Variants in ZNF37A observed in about 807,000 individuals in gnomAD.
ZNF37A encodes the protein zinc finger protein 37a (KOX 21).
A neutral mutation model predicts 12.3 loss-of-function variants in ZNF37A; 10 were observed. The observed-to-expected ratio is 0.82, with a 90% CI of 0.50 to 1.38. The LOEUF is 1.38. ZNF37A is among the 40% of genes most tolerant of loss of function. The pLI is 0.00. For synonymous variants in ZNF37A, 207 were observed against 223.0 expected, an observed-to-expected ratio of 0.93 and a Z score of 0.64; for missense variants, 580 against 651.2, an observed-to-expected ratio of 0.89 and a Z score of 1.19.
At chr10:38,133,240 T>C (rs1210517568) in intron 7 of ZNF37A, among the ~76,000 whole-genome samples, 1 of 152,226 alleles carries the variant, frequency 6.6e-6, no homozygotes, top group African/African-American at 2.4e-5. Flanking sequence ...TGTTCTTTGA[T>C]TGGAATTGTT....
intron 6 of ZNF37A, 42 bp downstream of exon 6, chr10:38,114,923 G>A (rs202054917): frequency 6.4e-7 from 1 of 1,567,758 alleles, no homozygotes; most frequent in Admixed American, 2.0e-5. Context: ...CAGAATGCAT[G>A]TCCTTTCTTA....
intron 7 of ZNF37A, among the ~76,000 whole-genome samples, chr10:38,144,838 G>A (rs967262009): frequency 7.9e-5 from 12 of 151,972 alleles, no homozygotes; most frequent in African/African-American, 2.7e-4. Context: ...ACTAAGTCTC[G>A]TATGCAGCAC....
chr10:38,130,427 G>A (rs1299473339), downstream of ZNF37A, among the ~76,000 whole-genome samples: 2 of 152,016 alleles, frequency 1.3e-5, no homozygotes, highest in Non-Finnish European at 2.9e-5. Context: ...GCACTTTTAT[G>A]TTTAAACTTC....
intron 7 of ZNF37A, chr10:38,143,551 T>G (rs2070214331): frequency 6.6e-6 from 1 of 152,158 alleles, no homozygotes; most frequent in Non-Finnish European, 1.5e-5. Flanking sequence ...GATTGTGAAG[T>G]CTATGAAAAG....
At chr10:38,130,038 T>C (rs966255903), downstream of ZNF37A, among the ~76,000 whole-genome samples, 7 of 152,184 alleles carry the variant, frequency 4.6e-5, no homozygotes, top group Non-Finnish European at 7.3e-5. Flanking sequence ...AATCTTTCCT[T>C]CTCTCCTCCC....
intron 7 of ZNF37A, chr10:38,144,123 T>C (rs1029604077): frequency 1.3e-5 from 2 of 152,376 alleles, no homozygotes; most frequent in South Asian, 4.1e-4. Flanking sequence ...CTTCGAGGTA[T>C]AGAATCAGCT....
chr10:38,096,166 A>G (rs1259112482), intron 4 of ZNF37A, among the ~76,000 whole-genome samples: 1 of 152,192 alleles, frequency 6.6e-6, no homozygotes. Flanking sequence ...CTCTGTCTCA[A>G]AAAAGCAAAC....
chr10:38,114,393 C>G (rs1008031984), intron 5 of ZNF37A, among the ~76,000 whole-genome samples: 1 of 152,150 alleles, frequency 6.6e-6, no homozygotes, highest in Non-Finnish European at 1.5e-5. Context: ...GGTGTGAGTC[C>G]TTTAAGTCCT....
intron 5 of ZNF37A, among the ~76,000 whole-genome samples, chr10:38,106,640 C>T (rs1430024358): frequency 2.0e-5 from 3 of 152,006 alleles, no homozygotes; most frequent in African/African-American, 4.8e-5. Context: ...ACTAGAATAA[C>T]CAGGTTAGAG....
intron 7 of ZNF37A, chr10:38,138,679 C>G (rs1184045077): frequency 2.0e-5 from 3 of 152,084 alleles, no homozygotes; most frequent in Non-Finnish European, 4.4e-5. Context: ...ACATGCTCAC[C>G]AGGAACCCGT....
chr10:38,096,653 C>T, intron 5 of ZNF37A, 21 bp downstream of exon 5: 1 of 1,611,280 alleles, frequency 6.2e-7, no homozygotes, highest in South Asian at 1.1e-5. Context: ...TATTTTTTCA[C>T]CGTTTTGCTT....
intron 4 of ZNF37A, among the ~76,000 whole-genome samples, chr10:38,096,264 A>G (rs2067148172): frequency 6.6e-6 from 1 of 152,158 alleles, no homozygotes. Context: ...TAAAGATTAA[A>G]ACCTGAGTAT....
intron 5 of ZNF37A, among the ~76,000 whole-genome samples, chr10:38,108,965 C>T (rs1401730226): frequency 6.6e-6 from 1 of 152,138 alleles, no homozygotes; most frequent in East Asian, 1.9e-4. Context: ...AAGAGGGAAT[C>T]CTCTCTAACC....
intron 7 of ZNF37A, chr10:38,137,378 G>T (rs1173291095): frequency 7.2e-5 from 11 of 152,164 alleles, no homozygotes; most frequent in Non-Finnish European, 1.6e-4. Flanking sequence ...CTGGGCCTTT[G>T]TCTTTCCCTA....
At chr10:38,137,952 G>A (rs1207149527) in intron 7 of ZNF37A, 1 of 152,164 alleles carries the variant, frequency 6.6e-6, no homozygotes, top group African/African-American at 2.4e-5. Flanking sequence ...TTTGAAGCAT[G>A]TTAGTTTTCC....
chr10:38,115,473 C>A, intron 7 of ZNF37A, 183 bp downstream of exon 7: 2 of 676,436 alleles, frequency 3.0e-6, no homozygotes, highest in Non-Finnish European at 4.6e-6. Flanking sequence ...CTCCCAGTAT[C>A]ACTTTCATAC....
chr10:38,149,206 A>C (rs1231712308), exon 8 of ZNF37A: 2 of 152,204 alleles, frequency 1.3e-5, no homozygotes, highest in Non-Finnish European at 2.9e-5. Context: ...ACTTCTCAAT[A>C]GGATGCAACT....
At chr10:38,143,364 G>A (rs1449404078) in intron 7 of ZNF37A, 3 of 152,228 alleles carry the variant, frequency 2.0e-5, no homozygotes, top group African/African-American at 7.2e-5. Context: ...CCAAGTTGAG[G>A]CTGGTAGGAC....
At chr10:38,098,368 G>A (rs1172620584) in intron 5 of ZNF37A, among the ~76,000 whole-genome samples, 1 of 152,156 alleles carries the variant, frequency 6.6e-6, no homozygotes, top group Non-Finnish European at 1.5e-5. Flanking sequence ...GTAAGTTTAC[G>A]TTTAATTTAT....
Sources: allele counts gnomAD v4.1 joint callset (sites outside exome capture counted in the v4.1 genomes callset), GRCh38; gene constraint gnomAD v4.1.1; transcripts MANE v1.5; gene names NCBI Gene and HGNC (gene_info 2026-07-23, HGNC 2026-07-21).